Variants in EGFL7 observed in about 807,000 individuals in gnomAD.
EGFL7 encodes epidermal growth factor-like protein 7.
In EGFL7, 48 loss-of-function variants were observed where a neutral mutation model predicts 37.1. That is an observed-to-expected ratio of 1.29 (90% CI 1.03 to 1.65). The LOEUF (loss-of-function observed/expected upper bound fraction) is 1.65. Ranked by LOEUF, EGFL7 falls within the 40% of genes most tolerant of loss-of-function variation. The probability of loss-of-function intolerance (pLI) is 0.00; values close to 1 mark genes in which losing one functional copy is unlikely to be tolerated. For synonymous variants in EGFL7, 180 were observed against 156.8 expected (o/e 1.15, Z -1.10); for missense variants, 384 against 378.9 (o/e 1.01, Z -0.11).
chr9:136,664,860 G>C (rs1241032758), intron 3 of EGFL7, 75 bp downstream of exon 3: 1 of 152,320 alleles, frequency 6.6e-6, no homozygotes, highest in East Asian at 1.9e-4. Context: ...GACACAGGGC[G>C]CTGGCTCCGG....
At chr9:136,662,774 AC>A (rs1204195087), upstream of EGFL7, among the ~76,000 whole-genome samples, 2 of 148,504 alleles carry the variant, frequency 1.3e-5, no homozygotes, top group Admixed American at 1.3e-4. Flanking sequence ...GGTGGCCCCC[AC>A]CCCCCTCAGC....
upstream of EGFL7, chr9:136,660,471 G>C (rs1209008872): frequency 1.3e-5 from 2 of 152,408 alleles, no homozygotes; most frequent in African/African-American, 4.8e-5. Flanking sequence ...GAGGGGCTGG[G>C]GGCAGGGCAG....
chr9:136,660,202 TGGACCCCCA>T (rs1845054678), upstream of EGFL7: 1 of 152,224 alleles, frequency 6.6e-6, no homozygotes, highest in Non-Finnish European at 1.5e-5. Context: ...CCCAACCCCC[TGGACCCCCA>T]GTACCCTCTG....
Position 136,672,362 on chromosome 9 carries a change from G to A in EGFL7, c.*76G>A. On this transcript the variant is annotated 3_prime_UTR_variant, in exon 11 of 11. Coordinates refer to ENST00000308874, the MANE Select transcript of EGFL7 (RefSeq NM_016215.5). ...CCATGCCCCTGCCCAACATGCTGGG[G>A]GTCCAGAAACCACCTCGGGGTGACT... The A allele has an allele frequency of 1.3e-6, 2 of 1,596,204 alleles. No homozygotes were observed. Among genetic ancestry groups the A allele is most frequent in the Non-Finnish European group, 8.6e-7 (1 of 1,165,522 alleles).
In EGFL7 at chr9:136,672,030, C is replaced by T. The variant is rs754059695; in HGVS notation, c.741C>T (p.Leu247=). ...GSLLVHSFQQ[L]GRIDSLSEQI... is the part of the protein sequence containing the mutation. The stretch of plus-strand genomic sequence containing the variant: ...TCCTGGTGCACTCCTTCCAGCAGCT[C>T]GGCCGCATCGACTCCCTGAGCGAGC... The change falls in exon 10 of 11, where the codon CTC becomes CTT. Residue 247 remains leucine (L), a synonymous_variant. Transcript: ENST00000308874. 1.5e-5 allele frequency: 23 copies of T among 1,544,954 alleles called. No individual in the cohort carries two copies. The highest frequency in any genetic ancestry group is 1.7e-4 in the Middle Eastern group (1 of 5,894).
intron 5 of EGFL7, among the ~76,000 whole-genome samples, chr9:136,669,065 A>C (rs1330931176): frequency 6.6e-6 from 1 of 151,654 alleles, no homozygotes; most frequent in Admixed American, 6.6e-5. Flanking sequence ...TCCACTGGGC[A>C]CCCCCCTCCA....
chr9:136,671,885 G>T, intron 9 of EGFL7, 41 bp from the exon 10 acceptor site: 1 of 1,456,844 alleles, frequency 6.9e-7, no homozygotes, highest in Non-Finnish European at 9.0e-7. Context: ...AGCAGAGAGG[G>T]CGGGGGCCGG....
chr9:136,661,079 C>T (rs1022302407), upstream of EGFL7, among the ~76,000 whole-genome samples: 29 of 152,270 alleles, frequency 1.9e-4, no homozygotes, highest in African/African-American at 6.3e-4. Flanking sequence ...CTACTGGGCC[C>T]CTATACGGTG....
At chr9:136,667,470 C>G (rs376519530) in intron 3 of EGFL7, among the ~76,000 whole-genome samples, 103 of 152,352 alleles carry the variant, frequency 6.8e-4, no homozygotes, top group African/African-American at 2.4e-3. Flanking sequence ...CTCTCATGCT[C>G]TCAGGAAGCC....
chr9:136,668,971 G>A (rs1845661790), intron 5 of EGFL7, among the ~76,000 whole-genome samples: 1 of 152,100 alleles, frequency 6.6e-6, no homozygotes. Flanking sequence ...CTCCACTTCC[G>A]GGGGACTAAC....
rs185760530 is a variant in EGFL7 at position 136,671,887 on chromosome 9, G to A, written c.637-39G>A. On this transcript the variant is annotated intron_variant, in intron 9 of 10. Transcript: ENST00000308874. ...TAGACCCCGGTGGAGCAGAGAGGGC[G>A]GGGGCCGGCCCAGGGTCACTGCCCT... 66 of 1,456,824 alleles carry A rather than the reference G, an allele frequency of 4.5e-5. No individual in the cohort carries two copies. The South Asian group carries it at 6.8e-4, about 15-fold the overall frequency. The allele number at this position is 1,456,824 out of a possible 1,614,324, so 90.2% of individuals were successfully genotyped here. A position where few individuals can be genotyped will look rare whatever the true frequency, so the allele number is the denominator to read the frequency against.
Position 136,672,375 on chromosome 9 carries a change from C to G in EGFL7, c.*89C>G. On this transcript the variant is annotated 3_prime_UTR_variant, in exon 11 of 11. Transcript: ENST00000308874. The stretch of plus-strand genomic sequence containing the variant: ...CAACATGCTGGGGGTCCAGAAACCA[C>G]CTCGGGGTGACTGAGCGGAAGGCCA... 6.5e-7 allele frequency: 1 copy of G among 1,547,448 alleles called. No homozygotes were observed. Among genetic ancestry groups the G allele is most frequent in the South Asian group, 1.1e-5 (1 of 89,452 alleles).
upstream of EGFL7, among the ~76,000 whole-genome samples, chr9:136,662,693 T>G (rs1002310026): frequency 5.3e-5 from 8 of 152,166 alleles, no homozygotes; most frequent in Admixed American, 1.3e-4. Flanking sequence ...CTGGCTGTTT[T>G]GGGGCTAGAC....
intron 5 of EGFL7, among the ~76,000 whole-genome samples, 180 bp downstream of exon 5, chr9:136,668,853 G>A (rs143696603): frequency 3.3e-5 from 5 of 152,232 alleles, no homozygotes; most frequent in Non-Finnish European, 7.4e-5. Flanking sequence ...GGGGTTCCAC[G>A]ATCACCTCCA....
chr9:136,659,568 G>C (rs887861410), upstream of EGFL7: 3 of 152,594 alleles, frequency 2.0e-5, no homozygotes, highest in Middle Eastern at 3.4e-3. Flanking sequence ...AGGCCCGGGA[G>C]GGCCCGGGGG....
chr9:136,661,591 G>A (rs115928101), upstream of EGFL7, among the ~76,000 whole-genome samples: 597 of 152,336 alleles, frequency 3.9e-3, 3 homozygotes, highest in African/African-American at 0.013. Flanking sequence ...AAACAGGCCC[G>A]GAGAAGAGTG....
chr9:136,664,979 C>G (rs181991571), intron 3 of EGFL7, among the ~76,000 whole-genome samples, 194 bp downstream of exon 3: 4 of 152,374 alleles, frequency 2.6e-5, no homozygotes, highest in Admixed American at 2.0e-4. Flanking sequence ...GTCACTAGAT[C>G]CCAGGGCTGT....
At position 136,664,773 on chromosome 9, in the gene EGFL7, T is replaced by G. The variant is rs1224633277; in HGVS notation, c.-55T>G. The G allele has an allele frequency of 6.6e-6, 1 of 152,232 alleles. No homozygotes were observed. The highest frequency in any genetic ancestry group is 1.5e-5 in the Non-Finnish European group (1 of 68,060). 9.4% of individuals were successfully genotyped at this position (152,232 alleles called of 1,614,324 possible). On this transcript the variant is annotated 5_prime_UTR_variant, in exon 3 of 11. In the 5' UTR this introduces an upstream ATG that the reference lacks. Transcript: ENST00000308874. Reference sequence around the variant, plus strand: ...TGCCCCTGTCCGGGGGATGACTGATTCTCCTCCGCCAGGTGAGTCCCAGCA... The same window carrying G: ...TGCCCCTGTCCGGGGGATGACTGATGCTCCTCCGCCAGGTGAGTCCCAGCA...
rs773216266 is a variant in EGFL7 at position 136,669,622 on chromosome 9, G to A, written c.214G>A (p.Ala72Thr). 1.1e-5 allele frequency: 17 copies of A among 1,610,690 alleles called. No individual in the cohort carries two copies. In the African/African-American group the frequency reaches 1.1e-4, roughly 10 times the overall value. ...ACCCCACAGAACCATCTATAGGACC[G>A]CCTACCGCCGCAGCCCTGGGCTGGC... The part of the protein sequence containing the change: ...CSTYRTIYRT[A>T]YRRSPGLAPA... The change falls in exon 6 of 11, where the codon GCC (alanine) becomes ACC (threonine). Residue 72 changes from alanine (A) to threonine (T), a missense_variant. Ala to Thr is a moderately conservative substitution (Grantham distance 58). Transcript: ENST00000308874.
Sources: gnomAD v4.1 joint callset for allele counts (sites outside exome capture counted in the v4.1 genomes callset) on GRCh38, gnomAD v4.1.1 for gene constraint, MANE v1.5 for transcripts, NCBI Gene and HGNC (gene_info 2026-07-23, HGNC 2026-07-21) for gene names.